RNF130: variants seen among roughly 807,000 people sequenced by gnomAD.
The protein encoded by RNF130 is E3 ubiquitin-protein ligase RNF130.
In RNF130, 21 loss-of-function variants were observed where a neutral mutation model predicts 44.6. The ratio of observed to expected loss-of-function variants is 0.47; its 90% CI spans 0.33 to 0.68. The LOEUF (loss-of-function observed/expected upper bound fraction) is 0.68, where lower values mean the gene tolerates loss of function less well. Among genes scored for constraint, RNF130 ranks in the 30% least tolerant of loss-of-function variants. RNF130 has a pLI of 0.02. For missense variants in RNF130, 479 were observed against 560.6 expected (o/e 0.85, Z 1.47); for synonymous variants, 214 against 210.4 (o/e 1.02, Z -0.15).
intron 7 of RNF130, among the ~76,000 whole-genome samples, chr5:179,928,919 G>A (rs997846729): frequency 3.9e-5 from 6 of 152,050 alleles, no homozygotes; most frequent in East Asian, 1.9e-4. Flanking sequence ...GTGAGCCACC[G>A]CACCTGGCCA....
chr5:179,935,042 T>C (rs1761868427), intron 7 of RNF130, among the ~76,000 whole-genome samples: 1 of 152,248 alleles, frequency 6.6e-6, no homozygotes, highest in Non-Finnish European at 1.5e-5. Context: ...TGATATGTCA[T>C]ACTTCTATGA....
downstream of RNF130, among the ~76,000 whole-genome samples, chr5:179,954,641 G>C (rs548164651): frequency 1.3e-5 from 2 of 152,292 alleles, no homozygotes; most frequent in Admixed American, 6.5e-5. Flanking sequence ...AGTGGTGATG[G>C]TTGCACAACT....
intron 2 of RNF130, among the ~76,000 whole-genome samples, chr5:180,017,862 C>G (rs1309795676): frequency 6.6e-6 from 1 of 152,164 alleles, no homozygotes; most frequent in Non-Finnish European, 1.5e-5. Context: ...CCTCTTTGAA[C>G]TTCAGTTTCT....
chr5:180,049,581 T>C (rs1685831758), intron 1 of RNF130, among the ~76,000 whole-genome samples: 1 of 152,208 alleles, frequency 6.6e-6, no homozygotes, highest in Non-Finnish European at 1.5e-5. Context: ...CACAGACATG[T>C]TAAGTATTTT....
intron 1 of RNF130, among the ~76,000 whole-genome samples, chr5:180,055,447 T>TGTGTGTGC (rs1764794183): frequency 6.6e-6 from 1 of 151,066 alleles, no homozygotes; most frequent in Non-Finnish European, 1.5e-5. Flanking sequence ...ACTTTGTGTG[T>TGTGTGTGC]GTGTGCGTGT....
At chr5:180,061,925 G>T (rs962811521) in intron 1 of RNF130, among the ~76,000 whole-genome samples, 8 of 152,154 alleles carry the variant, frequency 5.3e-5, no homozygotes, top group African/African-American at 1.7e-4. Context: ...TAGTTCTGTA[G>T]GCTGGGAAGT....
chr5:179,922,943 C>T (rs947099854), intron 7 of RNF130, among the ~76,000 whole-genome samples: 7 of 152,036 alleles, frequency 4.6e-5, no homozygotes, highest in East Asian at 1.9e-4. Flanking sequence ...TAATAATCCT[C>T]GATACAAGTC....
At chr5:179,963,442 A>C in intron 8 of RNF130, 29 bp downstream of exon 8, 1 of 1,555,316 alleles carries the variant, frequency 6.4e-7, no homozygotes, top group Non-Finnish European at 8.8e-7. Flanking sequence ...CATCTGGCAC[A>C]TGCAATCCAA....
At chr5:180,005,832 T>C (rs376705447) in intron 3 of RNF130, among the ~76,000 whole-genome samples, 2 of 152,336 alleles carry the variant, frequency 1.3e-5, no homozygotes, top group East Asian at 3.9e-4. Context: ...CATTCTTGAA[T>C]TCATTGAAAT....
exon 8 of RNF130, chr5:179,911,858 T>C (rs1052256404): frequency 2.0e-5 from 3 of 152,192 alleles, no homozygotes; most frequent in Non-Finnish European, 4.4e-5. Context: ...CACACTCTAC[T>C]TGTAGGTGTT....
intron 3 of RNF130, among the ~76,000 whole-genome samples, chr5:179,987,974 T>C (rs903433223): frequency 1.3e-5 from 2 of 152,206 alleles, no homozygotes; most frequent in Non-Finnish European, 2.9e-5. Context: ...ATAATTTGGG[T>C]CTGGTAGAAT....
At chr5:180,057,333 G>A (rs1477933045) in intron 1 of RNF130, among the ~76,000 whole-genome samples, 7 of 152,230 alleles carry the variant, frequency 4.6e-5, no homozygotes, top group African/African-American at 1.4e-4. Context: ...AGGATCACCC[G>A]AGGTCAGGAG....
intron 7 of RNF130, among the ~76,000 whole-genome samples, chr5:179,940,688 G>T (rs1348427972): frequency 3.4e-5 from 5 of 149,198 alleles, no homozygotes; most frequent in African/African-American, 7.4e-5. Context: ...TCTTGGTGTG[G>T]TTTTTTTTTC....
chr5:180,028,294 G>A (rs1764038690), intron 2 of RNF130, among the ~76,000 whole-genome samples: 1 of 152,112 alleles, frequency 6.6e-6, no homozygotes, highest in African/African-American at 2.4e-5. Context: ...TCCATGGAAA[G>A]AGGCACCATG....
intron 2 of RNF130, among the ~76,000 whole-genome samples, chr5:180,015,881 A>T (rs1032443928): frequency 1.8e-4 from 28 of 152,234 alleles, no homozygotes; most frequent in African/African-American, 3.1e-4. Context: ...TTGGGAAAAG[A>T]AGTGTGTAAT....
chr5:180,009,085 C>T (rs936539912), intron 3 of RNF130, among the ~76,000 whole-genome samples: 7 of 152,066 alleles, frequency 4.6e-5, no homozygotes, highest in Non-Finnish European at 1.0e-4. Flanking sequence ...TTAATTCTTA[C>T]ATTAGAAAAC....
At chr5:180,037,395 C>G (rs979558075) in intron 2 of RNF130, among the ~76,000 whole-genome samples, 2 of 152,198 alleles carry the variant, frequency 1.3e-5, no homozygotes, top group Non-Finnish European at 2.9e-5. Context: ...TGGCCCTCCA[C>G]AGAGTCTAGA....
chr5:180,055,516 G>A (rs991785894), intron 1 of RNF130, among the ~76,000 whole-genome samples: 1 of 151,916 alleles, frequency 6.6e-6, no homozygotes, highest in Non-Finnish European at 1.5e-5. Flanking sequence ...GTCTCATGTG[G>A]TATACCAGTT....
intron 7 of RNF130, among the ~76,000 whole-genome samples, chr5:179,944,035 G>A (rs1035545213): frequency 1.5e-4 from 22 of 150,414 alleles, no homozygotes; most frequent in African/African-American, 2.9e-4. Context: ...GCAACGGCGC[G>A]ATCTTGGCTC....
Sources: allele counts gnomAD v4.1 joint callset (sites outside exome capture counted in the v4.1 genomes callset), GRCh38; gene constraint gnomAD v4.1.1; transcripts MANE v1.5; gene names NCBI Gene and HGNC (gene_info 2026-07-23, HGNC 2026-07-21).